PRDM6: variants seen among roughly 807,000 people sequenced by gnomAD.
PRDM6 encodes the protein putative histone-lysine N-methyltransferase PRDM6.
PRDM6 carries 25 observed loss-of-function variants against 60.8 expected under a neutral mutation model. The observed-to-expected ratio is 0.41, with a 90% confidence interval of 0.30 to 0.57. The LOEUF is 0.57. PRDM6 is among the 20% of genes least tolerant of loss of function. The pLI is 0.27. For synonymous variants in PRDM6, 407 were observed against 357.4 expected (o/e 1.14, Z -1.57); for missense variants, 839 against 821.3 (o/e 1.02, Z -0.26).
intron 3 of PRDM6, among the ~76,000 whole-genome samples, chr5:123,119,493 G>A (rs1157996610): frequency 6.6e-6 from 1 of 151,818 alleles, no homozygotes; most frequent in African/African-American, 2.4e-5. Context: ...TTCCTCAGCT[G>A]CAACATCTAC....
At chr5:123,152,876 G>A (rs991432966) in intron 3 of PRDM6, among the ~76,000 whole-genome samples, 1 of 152,184 alleles carries the variant, frequency 6.6e-6, no homozygotes, top group African/African-American at 2.4e-5. Context: ...GATTTGTAAT[G>A]AGTGAGAAAT....
intron 3 of PRDM6, among the ~76,000 whole-genome samples, chr5:123,140,849 C>T (rs866443559): frequency 6.6e-6 from 1 of 152,004 alleles, no homozygotes; most frequent in African/African-American, 2.4e-5. Context: ...AAACAGAAGG[C>T]AAGTTGTTAA....
At chr5:123,142,254 G>A (rs911181935) in intron 3 of PRDM6, among the ~76,000 whole-genome samples, 1 of 151,956 alleles carries the variant, frequency 6.6e-6, no homozygotes, top group Non-Finnish European at 1.5e-5. Flanking sequence ...TCAATTCATA[G>A]GGTCATGGAA....
intron 3 of PRDM6, among the ~76,000 whole-genome samples, chr5:123,124,749 T>A (rs1764654687): frequency 6.6e-6 from 1 of 152,206 alleles, no homozygotes; most frequent in Non-Finnish European, 1.5e-5. Flanking sequence ...TCTGGAAAGT[T>A]GGACGGCTCT....
chr5:123,171,091 C>T lies in PRDM6; in HGVS notation c.1479C>T (p.Cys493=). 1 of 1,542,248 alleles carries T rather than the reference C, an allele frequency of 6.5e-7. No homozygotes were observed. The highest frequency in any genetic ancestry group is 8.8e-7 in the Non-Finnish European group (1 of 1,140,876). The change falls in exon 6 of 8, where the codon TGC becomes TGT. Residue 493 remains cysteine (C), a synonymous_variant. Coordinates refer to ENST00000407847, the MANE Select transcript of PRDM6 (RefSeq NM_001136239.4). ...GGATCCTCTTACAGATGCACGTGTG[C>T]ACGCAGAACCCCGACAGGTAACCCT... ...TQRILLQMHV[C]TQNPDRPYQC... is the part of the protein sequence containing the mutation.
intron 3 of PRDM6, among the ~76,000 whole-genome samples, chr5:123,137,637 C>A (rs918974192): frequency 6.6e-6 from 1 of 152,014 alleles, no homozygotes; most frequent in African/African-American, 2.4e-5. Flanking sequence ...CCGGGCCTGT[C>A]AGGGGGTGGG....
chr5:123,187,234 A>G lies in PRDM6; in HGVS notation c.*33A>G. 1 of 1,479,424 alleles carries G rather than the reference A, an allele frequency of 6.8e-7. No individual in the cohort carries two copies. The highest frequency in any genetic ancestry group is 9.2e-7 in the Non-Finnish European group (1 of 1,081,972). The allele number at this position is 1,479,424 out of a possible 1,614,324, so 91.6% of individuals were successfully genotyped here. A position where few individuals can be genotyped will look rare whatever the true frequency, so the allele number is the denominator to read the frequency against. On this transcript the variant is annotated 3_prime_UTR_variant, in exon 8 of 8. Coordinates refer to ENST00000407847, the MANE Select transcript of PRDM6 (RefSeq NM_001136239.4). ...ACTGGTTGGAATTAAACTGCAAGGA[A>G]AGTCATGATTAAATGTCACGGACAC...
In PRDM6 at chr5:123,099,513, C is replaced by T. The variant is rs1042645398; in HGVS notation, c.593-141C>T. On this transcript the variant is annotated intron_variant, in intron 2 of 7. Coordinates refer to ENST00000407847, the MANE Select transcript of PRDM6 (RefSeq NM_001136239.4). This position sits in a 1 kb window ranked among gnomAD's most constrained non-coding sequence, Gnocchi z 4.0. ...CTCCTCCTCTGAGTTGCTTCGGTGC[C>T]CCCAAGGCATCACCTTCCTCGAAGG... The T allele has an allele frequency of 1.5e-5, 11 of 726,602 alleles. No individual in the cohort carries two copies. The highest frequency in any genetic ancestry group is 3.4e-5 in the Admixed American group (1 of 29,584). 45.0% of individuals were successfully genotyped at this position (726,602 alleles called of 1,614,324 possible).
At chr5:123,156,080 T>C in intron 4 of PRDM6, 69 bp downstream of exon 4, 1 of 1,427,184 alleles carries the variant, frequency 7.0e-7, no homozygotes, top group Admixed American at 2.7e-5. Flanking sequence ...AATTCAGGCT[T>C]GCCACTGGTG....
intron 3 of PRDM6, among the ~76,000 whole-genome samples, chr5:123,116,932 A>G (rs1436303105): frequency 6.6e-6 from 1 of 152,156 alleles, no homozygotes; most frequent in African/African-American, 2.4e-5. Flanking sequence ...TTCCATAATA[A>G]CTCTGTCTCC....
At chr5:123,093,346 C>T (rs1055994376) in intron 2 of PRDM6, among the ~76,000 whole-genome samples, 3 of 152,182 alleles carry the variant, frequency 2.0e-5, no homozygotes, top group African/African-American at 7.2e-5. Context: ...CATATCATTG[C>T]TCTGTAAGAA....
chr5:123,167,297 T>G (rs1025441830), intron 5 of PRDM6, among the ~76,000 whole-genome samples: 2 of 152,128 alleles, frequency 1.3e-5, no homozygotes, highest in Non-Finnish European at 2.9e-5. Flanking sequence ...TCAATCTCTC[T>G]TCATCCCTAC....
At chr5:123,152,381 C>G (rs184568982) in intron 3 of PRDM6, among the ~76,000 whole-genome samples, 2 of 151,988 alleles carry the variant, frequency 1.3e-5, no homozygotes, top group African/African-American at 4.8e-5. Context: ...TGCCAGAGAT[C>G]GAGGACCCAT....
intron 2 of PRDM6, among the ~76,000 whole-genome samples, chr5:123,097,874 A>T (rs1763992898): frequency 6.6e-6 from 1 of 152,216 alleles, no homozygotes; most frequent in Non-Finnish European, 1.5e-5. Context: ...TTCACTTCAG[A>T]GGTCTGGGGA....
rs1763809776 is a variant in PRDM6 at position 123,090,560 on chromosome 5, C to T, written c.546C>T (p.Arg182=). The T allele has an allele frequency of 6.6e-7, 1 of 1,525,746 alleles. No individual in the cohort carries two copies. The highest frequency in any genetic ancestry group is 1.2e-5 in the South Asian group (1 of 83,556). 94.5% of individuals were successfully genotyped at this position (1,525,746 alleles called of 1,614,324 possible). Residue 182 remains arginine (R), a synonymous_variant, in exon 2 of 8, where the codon CGC becomes CGT. Coordinates refer to ENST00000407847, the MANE Select transcript of PRDM6 (RefSeq NM_001136239.4). ...ELDYYLYGQQ[R]MEIIPLNQHT... is the part of the protein sequence containing the mutation. ...ACTATTACCTGTATGGCCAGCAGCG[C>T]ATGGAGATCATCCCGCTCAACCAGC...
At chr5:123,131,344 A>G (rs1397514278) in intron 3 of PRDM6, among the ~76,000 whole-genome samples, 1 of 152,228 alleles carries the variant, frequency 6.6e-6, no homozygotes. Context: ...AATGTTTCCC[A>G]CACAAAGAAA....
At chr5:123,123,216 A>G (rs574238727) in intron 3 of PRDM6, among the ~76,000 whole-genome samples, 1 of 152,216 alleles carries the variant, frequency 6.6e-6, no homozygotes, top group Non-Finnish European at 1.5e-5. Flanking sequence ...CCATTTGTAT[A>G]TCTTTTCCTC....
intron 3 of PRDM6, among the ~76,000 whole-genome samples, chr5:123,144,962 A>G (rs1765205463): frequency 6.6e-6 from 1 of 152,110 alleles, no homozygotes; most frequent in Non-Finnish European, 1.5e-5. Flanking sequence ...GCAGCCATCC[A>G]TCCAAACAAC....
intron 3 of PRDM6, among the ~76,000 whole-genome samples, chr5:123,116,599 A>G (rs1480638839): frequency 6.6e-6 from 1 of 152,232 alleles, no homozygotes; most frequent in African/African-American, 2.4e-5. Context: ...GGGGATATGT[A>G]TGGAAATCAA....
Sources: allele counts gnomAD v4.1 joint callset (sites outside exome capture counted in the v4.1 genomes callset), GRCh38; gene constraint gnomAD v4.1.1; non-coding constraint Gnocchi (gnomAD v3.1); transcripts MANE v1.5; gene names NCBI Gene and HGNC (gene_info 2026-07-23, HGNC 2026-07-21).